CTNND2: variants seen among roughly 807,000 people sequenced by gnomAD.
CTNND2 encodes the protein catenin delta-2.
CTNND2 carries 22 observed loss-of-function variants against 144.4 expected under a neutral mutation model. That is an observed-to-expected ratio of 0.15 (90% CI 0.11 to 0.22). CTNND2 has a LOEUF of 0.22. Ranked by LOEUF, CTNND2 falls within the 10% of genes least tolerant of loss-of-function variation. CTNND2 has a pLI of 1.00. For synonymous variants in CTNND2, 751 were observed against 695.6 expected (o/e 1.08, Z -1.25); for missense variants, 1,353 against 1,618.8 (o/e 0.84, Z 2.82).
chr5:11,076,695 G>A (rs879877294), intron 16 of CTNND2, among the ~76,000 whole-genome samples: 7 of 152,154 alleles, frequency 4.6e-5, no homozygotes, highest in East Asian at 1.9e-4. Context: ...GAGGCAAAGC[G>A]TGTTTCATTC....
At chr5:11,788,091 T>C (rs1363705091) in intron 1 of CTNND2, among the ~76,000 whole-genome samples, 3 of 152,256 alleles carry the variant, frequency 2.0e-5, no homozygotes, top group Non-Finnish European at 4.4e-5. Context: ...CATTACCTAA[T>C]GATCACATCT....
chr5:11,103,327 G>A (rs554353956), intron 14 of CTNND2, among the ~76,000 whole-genome samples: 79 of 152,168 alleles, frequency 5.2e-4, no homozygotes, highest in African/African-American at 1.8e-3. Context: ...ATGAAAGAGT[G>A]GAAGCCATTT....
chr5:11,341,379 C>G lies in CTNND2; in HGVS notation c.1628+4993G>C, dbSNP rs185370645. Among the ~76,000 whole-genome samples, 124 of 152,300 alleles carry G rather than the reference C, an allele frequency of 8.1e-4. No homozygotes were observed. In the Middle Eastern group the frequency reaches 0.01, roughly 13 times the overall value. ...TGAGGGGCCTGTTGCTCAAGGCATT[C>G]AAGCAGGGGCTGAATGGCAAGGTTT... On this transcript the variant is annotated intron_variant, in intron 9 of 21. Coordinates refer to ENST00000304623, the MANE Select transcript of CTNND2 (RefSeq NM_001332.4).
intron 17 of CTNND2, 80 bp downstream of exon 17, chr5:11,022,689 C>T (rs1251669295): frequency 8.8e-6 from 9 of 1,025,036 alleles, no homozygotes; most frequent in Non-Finnish European, 1.4e-5. Context: ...AGTCATAGTA[C>T]TACCCGTCAT....
chr5:10,973,698 C>A lies in CTNND2; in HGVS notation c.3433G>T (p.Val1145Phe). ...IKHNQVSAQP[V>F]PQEPSRKDYE... is the part of the protein sequence containing the mutation. ...TCTTTTCTGCTGGGCTCCTGTGGGACTGGCTGTGCTGAAACCTAAACGGGA... is the reference window on the plus strand; with the variant it reads ...TCTTTTCTGCTGGGCTCCTGTGGGAATGGCTGTGCTGAAACCTAAACGGGA... Residue 1145 changes from valine (V) to phenylalanine (F), a missense_variant, in exon 22 of 22, where the codon GTC becomes TTC. Coordinates refer to ENST00000304623, the MANE Select transcript of CTNND2 (RefSeq NM_001332.4). The surrounding 1 kb of genome is among the most constrained non-coding windows in gnomAD (Gnocchi z 5.6). 6.9e-6 allele frequency: 11 copies of A among 1,603,454 alleles called. No individual in the cohort carries two copies. The highest frequency in any genetic ancestry group is 9.4e-6 in the Non-Finnish European group (11 of 1,174,528).
chr5:11,179,748 A>C (rs1760823062), intron 11 of CTNND2, among the ~76,000 whole-genome samples: 1 of 152,174 alleles, frequency 6.6e-6, no homozygotes, highest in Non-Finnish European at 1.5e-5. Flanking sequence ...ATAACCCTGG[A>C]TATTATATAA....
rs1043738128 is a variant in CTNND2 at position 10,973,886 on chromosome 5, T to C, written c.3418-173A>G. 1.3e-5 allele frequency among the ~76,000 whole-genome samples: 2 copies of C among 152,194 alleles called. No homozygotes were observed. Among genetic ancestry groups the C allele is most frequent in the African/African-American group, 4.8e-5 (2 of 41,448 alleles). ...CTGTCATTGGCTTTCCTTTTGAAAA[T>C]TGGATCCTAGGTCCACGTGCTATCA... is the stretch of plus-strand genomic sequence containing the variant. On this transcript the variant is annotated intron_variant, in intron 21 of 21. Transcript: ENST00000304623. The surrounding 1 kb of genome is among the most constrained non-coding windows in gnomAD (Gnocchi z 5.6).
chr5:11,477,383 T>A (rs1767849350), intron 3 of CTNND2, among the ~76,000 whole-genome samples: 1 of 149,764 alleles, frequency 6.7e-6, no homozygotes, highest in South Asian at 2.1e-4. Flanking sequence ...CATCACCTAT[T>A]TTTTTTTTTT....
intron 9 of CTNND2, among the ~76,000 whole-genome samples, chr5:11,279,811 C>A (rs572665394): frequency 6.6e-6 from 1 of 152,138 alleles, no homozygotes; most frequent in African/African-American, 2.4e-5. Context: ...AAAGCAGGAG[C>A]AAGAGAGAGA....
At chr5:11,727,692 G>T (rs1185410782) in intron 2 of CTNND2, among the ~76,000 whole-genome samples, 1 of 152,182 alleles carries the variant, frequency 6.6e-6, no homozygotes, top group African/African-American at 2.4e-5. Context: ...GGTCTTTGCA[G>T]ATAATCCTCT....
chr5:11,010,314 A>G (rs1240301031), intron 18 of CTNND2, among the ~76,000 whole-genome samples: 1 of 152,264 alleles, frequency 6.6e-6, no homozygotes, highest in African/African-American at 2.4e-5. Flanking sequence ...AGTAGAATCT[A>G]TTAATTCTCA....
chr5:11,113,259 T>C (rs1401595980), intron 13 of CTNND2, among the ~76,000 whole-genome samples: 10 of 152,178 alleles, frequency 6.6e-5, no homozygotes, highest in Admixed American at 6.5e-4. Context: ...AACTATTTGC[T>C]AAAATACTAG....
chr5:11,258,147 T>G (rs1389446827), intron 9 of CTNND2, among the ~76,000 whole-genome samples: 1 of 152,146 alleles, frequency 6.6e-6, no homozygotes, highest in Non-Finnish European at 1.5e-5. Flanking sequence ...CTGAATGGAT[T>G]TCTTCTAACC....
chr5:11,771,897 C>T (rs1471993858), intron 1 of CTNND2, among the ~76,000 whole-genome samples: 1 of 152,130 alleles, frequency 6.6e-6, no homozygotes, highest in Non-Finnish European at 1.5e-5. Context: ...AAAATGTTCA[C>T]TCTGGGTAGG....
intron 9 of CTNND2, among the ~76,000 whole-genome samples, chr5:11,310,718 T>C (rs947262618): frequency 3.3e-5 from 5 of 151,756 alleles, no homozygotes; most frequent in Non-Finnish European, 7.4e-5. Flanking sequence ...TCCTCCTCCC[T>C]GTGAGACATT....
At chr5:11,457,804 T>C (rs1765864871) in intron 3 of CTNND2, among the ~76,000 whole-genome samples, 2 of 152,242 alleles carry the variant, frequency 1.3e-5, no homozygotes, top group African/African-American at 4.8e-5. Context: ...GTTCTTTGCC[T>C]GCCTCTAACT....
At chr5:11,512,427 A>G (rs1017716204) in intron 3 of CTNND2, among the ~76,000 whole-genome samples, 1 of 152,200 alleles carries the variant, frequency 6.6e-6, no homozygotes, top group Non-Finnish European at 1.5e-5. Context: ...TCAATTTCCC[A>G]CAAAGTGTCT....
At chr5:11,738,318 C>T (rs1787808417) in intron 1 of CTNND2, among the ~76,000 whole-genome samples, 1 of 152,172 alleles carries the variant, frequency 6.6e-6, no homozygotes, top group South Asian at 2.1e-4. Context: ...GAAAAATTGG[C>T]CTGCATAACA....
At chr5:11,244,280 ATTTTTTTTT>A (rs11322159) in intron 9 of CTNND2, among the ~76,000 whole-genome samples, 2 of 104,102 alleles carry the variant, frequency 1.9e-5, no homozygotes, top group African/African-American at 8.0e-5. Context: ...GTCCTATACA[ATTTTTTTTT>A]TTTTTTTTTT....
Sources: allele counts gnomAD v4.1 joint callset (sites outside exome capture counted in the v4.1 genomes callset), GRCh38; gene constraint gnomAD v4.1.1; non-coding constraint Gnocchi (gnomAD v3.1); transcripts MANE v1.5; gene names NCBI Gene and HGNC (gene_info 2026-07-23, HGNC 2026-07-21).